Variants in METTL15 observed in about 807,000 individuals in gnomAD.
METTL15 encodes 12S rRNA N(4)-cytidine methyltransferase METTL15.
A neutral mutation model predicts 38.3 loss-of-function variants in METTL15; 34 were observed. The observed-to-expected ratio is 0.89, with a 90% confidence interval of 0.68 to 1.18. METTL15 has a LOEUF of 1.18. Ranked by LOEUF, METTL15 falls within the 50% of genes most tolerant of loss-of-function variation. The pLI is 0.00. For missense variants in METTL15, 438 were observed against 498.4 expected (o/e 0.88, Z 1.15); for synonymous variants, 162 against 170.9 (o/e 0.95, Z 0.41).
intron 3 of METTL15, among the ~76,000 whole-genome samples, chr11:28,194,332 G>T (rs1851829199): frequency 6.6e-6 from 1 of 151,674 alleles, no homozygotes; most frequent in African/African-American, 2.4e-5. Flanking sequence ...CTGAGTAGCT[G>T]GGATTACAGG....
Position 28,501,200 on chromosome 11 carries a change from A to G in METTL15, c.*425-25278A>G, listed in dbSNP as rs560578380. ...TTTGGGGTGGAAACAGTAGATGGGC[A>G]GCTATGTGCCCTACTACCTTTAGAA... On this transcript the variant is annotated intron_variant and NMD_transcript_variant, in intron 6 of 7. Transcript: ENST00000532947. Among the ~76,000 whole-genome samples the G allele has an allele frequency of 2.0e-5, 3 of 152,328 alleles. No individual in the cohort carries two copies. In the South Asian group the frequency reaches 6.2e-4, roughly 32 times the overall value.
intron 5 of METTL15, among the ~76,000 whole-genome samples, chr11:28,402,817 T>G (rs1337117398): frequency 1.3e-5 from 2 of 151,880 alleles, no homozygotes; most frequent in Non-Finnish European, 2.9e-5. Context: ...AAGTAATTTC[T>G]TATCCCTCAC....
chr11:28,388,825 T>TC (rs1157663255), intron 5 of METTL15, among the ~76,000 whole-genome samples: 1 of 151,638 alleles, frequency 6.6e-6, no homozygotes, highest in Non-Finnish European at 1.5e-5. Context: ...ATGCTATCCC[T>TC]CCCCCCTACA....
At chr11:28,171,768 C>T (rs556590283) in intron 3 of METTL15, among the ~76,000 whole-genome samples, 149 of 151,346 alleles carry the variant, frequency 9.8e-4, no homozygotes, top group African/African-American at 3.2e-3. Flanking sequence ...TTCCCCTGCC[C>T]GCCGCCTCTC....
At chr11:28,218,206 C>T (rs1450885304) in intron 4 of METTL15, among the ~76,000 whole-genome samples, 1 of 152,060 alleles carries the variant, frequency 6.6e-6, no homozygotes, top group Non-Finnish European at 1.5e-5. Flanking sequence ...AATGTTCTTC[C>T]ACATGTTTGT....
Position 28,297,984 on chromosome 11 carries a change from A to C in METTL15, c.778+1053A>C, listed in dbSNP as rs977588707. 1.3e-5 allele frequency among the ~76,000 whole-genome samples: 2 copies of C among 152,112 alleles called. 1 individual carries two copies. Among genetic ancestry groups the C allele is most frequent in the Admixed American group, 1.3e-4 (2 of 15,240 alleles). On this transcript the variant is annotated intron_variant, in intron 6 of 6. Transcript: ENST00000407364. ...CAATTGTTTTATGATATAATTAAAT[A>C]AGACTATATTCTACTTAGTTATTAT...
intron 5 of METTL15, among the ~76,000 whole-genome samples, chr11:28,370,396 C>A (rs535223114): frequency 3.9e-5 from 6 of 151,924 alleles, no homozygotes; most frequent in Non-Finnish European, 8.8e-5. Flanking sequence ...GGATTTTATT[C>A]TTTTTATGGC....
chr11:28,340,910 T>G (rs1849945929), intron 3 of METTL15, among the ~76,000 whole-genome samples: 1 of 152,104 alleles, frequency 6.6e-6, no homozygotes, highest in South Asian at 2.1e-4. Context: ...AGCAAAGACT[T>G]AAAACCAACC....
intron 3 of METTL15, among the ~76,000 whole-genome samples, chr11:28,137,258 A>T (rs1849545611): frequency 6.6e-6 from 1 of 152,214 alleles, no homozygotes; most frequent in African/African-American, 2.4e-5. Flanking sequence ...TTGGAAGATT[A>T]ATTTTTATAA....
chr11:28,368,155 A>G (rs1299966937), intron 5 of METTL15, among the ~76,000 whole-genome samples: 3 of 150,740 alleles, frequency 2.0e-5, no homozygotes, highest in Admixed American at 1.3e-4. Context: ...AAAAAAACAA[A>G]AAAAAAAACA....
chr11:28,428,576 G>A (rs1427379766), intron 6 of METTL15, among the ~76,000 whole-genome samples: 3 of 152,160 alleles, frequency 2.0e-5, no homozygotes, highest in African/African-American at 7.2e-5. Flanking sequence ...GTAATCTACA[G>A]TTATTTCAGG....
In METTL15 at chr11:28,354,094, C is replaced by G. The variant is rs117055216; in HGVS notation, c.*258+1936C>G. Among the ~76,000 whole-genome samples, 106 of 152,252 alleles carry G rather than the reference C, an allele frequency of 7.0e-4. No individual in the cohort carries two copies. The East Asian group carries it at 0.016, about 23-fold the overall frequency. On this transcript the variant is annotated intron_variant and NMD_transcript_variant, in intron 4 of 7. Transcript: ENST00000532947. ...CAAAGAAATGAGACTACAGAACGTA[C>G]CATTGGAGCAGGAGCTGAGAGGGAA...
intron 5 of METTL15, among the ~76,000 whole-genome samples, chr11:28,362,541 T>C (rs1158317398): frequency 1.3e-5 from 2 of 152,174 alleles, no homozygotes; most frequent in African/African-American, 4.8e-5. Flanking sequence ...TTTATCATCA[T>C]GTATATTCAA....
rs142820730 is a variant in METTL15 at position 28,344,483 on chromosome 11, C to A, written c.*190-7607C>A. Among the ~76,000 whole-genome samples, 135 of 152,242 alleles carry A rather than the reference C, an allele frequency of 8.9e-4. 1 individual carries two copies. Among genetic ancestry groups the A allele is most frequent in the African/African-American group, 3.2e-3 (134 of 41,556 alleles). On this transcript the variant is annotated intron_variant and NMD_transcript_variant, in intron 3 of 7. Transcript: ENST00000532947. ...ATTTATGAAAGCTCTTCAGTTCTAT[C>A]ATGGGCTCCAGTCCAATAACTCCTG...
At chr11:28,340,111 T>G (rs1003194403) in intron 3 of METTL15, among the ~76,000 whole-genome samples, 21 of 152,140 alleles carry the variant, frequency 1.4e-4, no homozygotes, top group Admixed American at 1.2e-3. Flanking sequence ...CGTACACTAA[T>G]TTGTTTTTAA....
chr11:28,212,752 G>C (rs889774313), intron 4 of METTL15, among the ~76,000 whole-genome samples: 1 of 152,088 alleles, frequency 6.6e-6, no homozygotes, highest in African/African-American at 2.4e-5. Flanking sequence ...TTTATGATCT[G>C]CAGTTAGTTG....
chr11:28,218,120 T>C (rs1404964030), intron 4 of METTL15, among the ~76,000 whole-genome samples: 3 of 152,184 alleles, frequency 2.0e-5, no homozygotes, highest in Admixed American at 6.5e-5. Flanking sequence ...TTGATGGGGA[T>C]GGCATTGAAT....
At chr11:28,121,174 T>C (rs1402110466) in intron 3 of METTL15, among the ~76,000 whole-genome samples, 1 of 152,204 alleles carries the variant, frequency 6.6e-6, no homozygotes, top group African/African-American at 2.4e-5. Flanking sequence ...GTGTATTACA[T>C]TGTATTATAA....
chr11:28,134,678 T>C, intron 3 of METTL15: 2 of 398,234 alleles, frequency 5.0e-6, no homozygotes, highest in Non-Finnish European at 8.9e-6. Context: ...GAATGGCATG[T>C]CCATGCATGG....
Sources: allele counts gnomAD v4.1 joint callset (sites outside exome capture counted in the v4.1 genomes callset), GRCh38; gene constraint gnomAD v4.1.1; transcripts MANE v1.5; gene names NCBI Gene and HGNC (gene_info 2026-07-23, HGNC 2026-07-21).